MYO1B: variants seen among roughly 807,000 people sequenced by gnomAD.
The protein encoded by MYO1B is myosin IB.
In MYO1B, 72 loss-of-function variants were observed where a neutral mutation model predicts 159.7. The observed-to-expected ratio is 0.45, with a 90% CI of 0.37 to 0.55. The LOEUF (loss-of-function observed/expected upper bound fraction) is 0.55, where lower values mean the gene tolerates loss of function less well. MYO1B is among the 20% of genes least tolerant of loss of function. The probability of loss-of-function intolerance (pLI) is 0.00; values close to 1 mark genes in which losing one functional copy is unlikely to be tolerated. For synonymous variants in MYO1B, 468 were observed against 473.8 expected, an observed-to-expected ratio of 0.99 and a Z score of 0.16; for missense variants, 1,062 against 1,364.8, an observed-to-expected ratio of 0.78 and a Z score of 3.50.
At chr2:191,377,450 T>G in intron 13 of MYO1B, 1 of 152,170 alleles carries the variant, frequency 6.6e-6, no homozygotes, top group South Asian at 2.1e-4. Flanking sequence ...TTCTGGAGAC[T>G]TTGATTCATG....
chr2:191,272,695 C>T (rs1574309683), intron 1 of MYO1B, among the ~76,000 whole-genome samples: 1 of 152,182 alleles, frequency 6.6e-6, no homozygotes, highest in Non-Finnish European at 1.5e-5. Context: ...TAAGAAATAA[C>T]CAACCCATAC....
At chr2:191,377,099 C>A (rs1182929105) in intron 13 of MYO1B, among the ~76,000 whole-genome samples, 1 of 151,860 alleles carries the variant, frequency 6.6e-6, no homozygotes, top group Non-Finnish European at 1.5e-5. Flanking sequence ...TAAAAGAAGC[C>A]CTAGCGTTTA....
At chr2:191,420,394 G>C (rs1404583304) in intron 30 of MYO1B, among the ~76,000 whole-genome samples, 1 of 152,074 alleles carries the variant, frequency 6.6e-6, no homozygotes, top group Non-Finnish European at 1.5e-5. Context: ...CTACTTCCAG[G>C]CCTGCAAGCC....
At chr2:191,281,711 A>G (rs2125761339) in intron 2 of MYO1B, among the ~76,000 whole-genome samples, 1 of 152,314 alleles carries the variant, frequency 6.6e-6, no homozygotes, top group Non-Finnish European at 1.5e-5. Context: ...GGAAAGCTAC[A>G]ATTTAGGCAA....
intron 29 of MYO1B, among the ~76,000 whole-genome samples, chr2:191,415,212 G>A (rs888923771): frequency 1.3e-5 from 2 of 152,220 alleles, no homozygotes; most frequent in African/African-American, 2.4e-5. Context: ...GATAGTAAGA[G>A]TGCCTACTTC....
chr2:191,333,639 T>C (rs1691635317), intron 4 of MYO1B, among the ~76,000 whole-genome samples: 1 of 152,148 alleles, frequency 6.6e-6, no homozygotes, highest in African/African-American at 2.4e-5. Context: ...CTTTCTCTCT[T>C]GATTACCCCT....
intron 29 of MYO1B, among the ~76,000 whole-genome samples, chr2:191,415,646 A>G (rs1697517222): frequency 6.6e-6 from 1 of 151,332 alleles, no homozygotes; most frequent in East Asian, 1.9e-4. Flanking sequence ...TTGCACAGCT[A>G]AGGCTGAGAG....
chr2:191,370,487 CTG>C (rs1446959093), intron 13 of MYO1B, among the ~76,000 whole-genome samples, 195 bp downstream of exon 13: 1 of 148,024 alleles, frequency 6.8e-6, no homozygotes, highest in Non-Finnish European at 1.5e-5. Context: ...TTGTGTATTC[CTG>C]CATGTGTGCC....
At chr2:191,293,625 G>T (rs1359299816) in intron 2 of MYO1B, among the ~76,000 whole-genome samples, 1 of 152,150 alleles carries the variant, frequency 6.6e-6, no homozygotes, top group African/African-American at 2.4e-5. Flanking sequence ...AACTGTCATG[G>T]CACTGGTGGG....
intron 4 of MYO1B, among the ~76,000 whole-genome samples, chr2:191,335,968 A>G (rs1214717839): frequency 6.6e-6 from 1 of 152,168 alleles, no homozygotes; most frequent in African/African-American, 2.4e-5. Flanking sequence ...ATCAGACCTC[A>G]TAAAAGTGCC....
intron 13 of MYO1B, among the ~76,000 whole-genome samples, chr2:191,372,288 T>C (rs190320115): frequency 3.9e-5 from 6 of 152,372 alleles, no homozygotes; most frequent in Non-Finnish European, 7.3e-5. Flanking sequence ...AATGGCTTAA[T>C]ATCATATCAC....
Position 191,350,067 on chromosome 2 carries a change from A to G in MYO1B, c.499-95A>G, listed in dbSNP as rs10200971. On this transcript the variant is annotated intron_variant, in intron 6 of 30. Transcript: ENST00000392318. The stretch of plus-strand genomic sequence containing the variant: ...TTCTTAGTTACATTTAAACAAATGT[A>G]TAAAAATAAGGGCTTAGTCTGCTGT... The G allele has an allele frequency of 5.8e-3, 5,505 of 956,030 alleles. 174 individuals carry two copies. In the African/African-American group the frequency reaches 0.077, roughly 13 times the overall value. The allele number at this position is 956,030 out of a possible 1,614,324, so 59.2% of individuals were successfully genotyped here.
intron 3 of MYO1B, among the ~76,000 whole-genome samples, chr2:191,302,576 C>G (rs1689403690): frequency 6.6e-6 from 1 of 152,102 alleles, no homozygotes; most frequent in African/African-American, 2.4e-5. Context: ...TTCATGTTGT[C>G]TGTATGTCTA....
At chr2:191,318,544 C>T (rs1333274774) in intron 3 of MYO1B, among the ~76,000 whole-genome samples, 1 of 152,176 alleles carries the variant, frequency 6.6e-6, no homozygotes, top group East Asian at 1.9e-4. Context: ...GATCCAAGGT[C>T]TCTCGCTTCT....
At chr2:191,258,354 C>T (rs915581588) in intron 1 of MYO1B, among the ~76,000 whole-genome samples, 1 of 152,190 alleles carries the variant, frequency 6.6e-6, no homozygotes, top group African/African-American at 2.4e-5. Flanking sequence ...CTCTCTAGGG[C>T]ACTTATGAAT....
chr2:191,424,224 G>A lies in MYO1B; in HGVS notation c.*264G>A, dbSNP rs548637432. On this transcript the variant is annotated 3_prime_UTR_variant, in exon 31 of 31. Transcript: ENST00000392318. The stretch of plus-strand genomic sequence containing the variant: ...TGTTCTTCCTTTAGTCATCATGTTA[G>A]GTCTGTGTACCCTAAATCAGCATAT... The A allele has an allele frequency of 4.6e-6, 2 of 432,962 alleles. No individual in the cohort carries two copies. Among genetic ancestry groups the A allele is most frequent in the Admixed American group, 3.8e-5 (1 of 26,294 alleles). 26.8% of individuals were successfully genotyped at this position (432,962 alleles called of 1,614,324 possible).
At chr2:191,266,906 C>T (rs1266034259) in intron 1 of MYO1B, among the ~76,000 whole-genome samples, 1 of 152,134 alleles carries the variant, frequency 6.6e-6, no homozygotes, top group African/African-American at 2.4e-5. Flanking sequence ...AAACTTTTTT[C>T]CCTCTCGTCA....
At chr2:191,268,581 A>G (rs1482270794) in intron 1 of MYO1B, among the ~76,000 whole-genome samples, 2 of 152,230 alleles carry the variant, frequency 1.3e-5, no homozygotes, top group African/African-American at 2.4e-5. Flanking sequence ...CAAGAGGCTC[A>G]GTGGAACCTC....
chr2:191,378,101 C>G (rs1694822165), intron 13 of MYO1B, among the ~76,000 whole-genome samples: 1 of 151,760 alleles, frequency 6.6e-6, no homozygotes, highest in South Asian at 2.1e-4. Flanking sequence ...AATACTCTCT[C>G]CTTATTGGTT....
Sources: gnomAD v4.1 joint callset for allele counts (sites outside exome capture counted in the v4.1 genomes callset) on GRCh38, gnomAD v4.1.1 for gene constraint, MANE v1.5 for transcripts, NCBI Gene and HGNC (gene_info 2026-07-23, HGNC 2026-07-21) for gene names.